The following INCENP variants were observed in gnomAD, a reference collection of about 807,000 sequenced individuals.
INCENP encodes binds and activates aurora-B and -C in vivo and in vitro.
Under a neutral mutation model 107.3 loss-of-function variants are expected in INCENP, and 43 were observed. That is an observed-to-expected ratio of 0.40 (90% CI 0.31 to 0.52). The LOEUF is 0.52. Among genes scored for constraint, INCENP ranks in the 20% least tolerant of loss-of-function variants. The pLI is 0.53. For missense variants in INCENP, 1,089 were observed against 1,250.9 expected, an observed-to-expected ratio of 0.87 and a Z score of 1.95; for synonymous variants, 488 against 494.4, an observed-to-expected ratio of 0.99 and a Z score of 0.17.
Position 62,130,440 on chromosome 11 carries a change from C to T in INCENP, c.913C>T (p.His305Tyr). ...GSRTDSQSVRHSPIAPSSPSP... is the reference protein window; with the variant it reads ...GSRTDSQSVRYSPIAPSSPSP... ...TCGCACGGACTCTCAATCGGTGCGG[C>T]ACAGCCCGATCGCCCCGTCTTCCCC... The change falls in exon 4 of 19, where the codon CAC becomes TAC. Residue 305 changes from histidine to tyrosine, a missense_variant. By Grantham distance (83) the His-to-Tyr change is moderately conservative. Coordinates refer to ENST00000394818, the MANE Select transcript of INCENP (RefSeq NM_001040694.2). 2.5e-6 allele frequency: 4 copies of T among 1,613,988 alleles called. No individual in the cohort carries two copies. Among genetic ancestry groups the T allele is most frequent in the Non-Finnish European group, 3.4e-6 (4 of 1,180,034 alleles).
intron 18 of INCENP, among the ~76,000 whole-genome samples, chr11:62,150,974 C>T (rs1056504540): frequency 6.6e-6 from 1 of 152,202 alleles, no homozygotes; most frequent in Non-Finnish European, 1.5e-5. Context: ...CTCATCTGAA[C>T]CCTACAGTAA....
intron 4 of INCENP, among the ~76,000 whole-genome samples, chr11:62,131,258 C>T (rs188880904): frequency 2.6e-5 from 4 of 152,314 alleles, no homozygotes; most frequent in African/African-American, 7.2e-5. Flanking sequence ...GGAAACTTCA[C>T]GGGCCTCCAC....
Position 62,141,511 on chromosome 11 carries a change from C to T in INCENP, c.1605C>T (p.Val535=), listed in dbSNP as rs527336992. 15 of 1,614,046 alleles carry T rather than the reference C, an allele frequency of 9.3e-6. No homozygotes were observed. The East Asian group carries it at 2.0e-4, about 22-fold the overall frequency. The change falls in exon 11 of 19, where the codon GTC becomes GTT. Residue 535 remains valine (V), a splice_region_variant and synonymous_variant. Transcript: ENST00000394818. ...TGTCTCCTCCACAGTGCAGCTTCGT[C>T]GTAAGTAAAGCCTTTTCCTGTCGGT... ...PLRMDPKCSF[V]EKERQRLENL... is the part of the protein sequence containing the mutation.
At chr11:62,148,407 C>G in intron 15 of INCENP, 69 bp from the exon 16 acceptor site, 1 of 1,443,094 alleles carries the variant, frequency 6.9e-7, no homozygotes, top group Non-Finnish European at 9.5e-7. Context: ...GTTTCCCCAG[C>G]AGGGATGGGA....
At position 62,152,895 on chromosome 11, in the gene INCENP, C is replaced by CTGAA. The variant is rs1180988425; in HGVS notation, c.*922_*925dup. 4 of 152,254 alleles carry CTGAA rather than the reference C, an allele frequency of 2.6e-5. No homozygotes were observed. 9.4% of individuals were successfully genotyped at this position (152,254 alleles called of 1,614,324 possible). A position where few individuals can be genotyped will look rare whatever the true frequency, so the allele number is the denominator to read the frequency against. ...CCTGTGAGCTGCCTACTGCTGCCTT[C>CTGAA]TGAATGCATATATCTGCTACTGTAG... On this transcript the variant is annotated 3_prime_UTR_variant, in exon 19 of 19. Coordinates refer to ENST00000394818, the MANE Select transcript of INCENP (RefSeq NM_001040694.2).
Position 62,140,786 on chromosome 11 carries a change from A to G in INCENP, c.1426A>G (p.Ser476Gly). 6.2e-7 allele frequency: 1 copy of G among 1,612,428 alleles called. No homozygotes were observed. The part of the protein sequence containing the change: ...LEDEELQPPR[S>G]KTPSSPCPAS... The stretch of plus-strand genomic sequence containing the variant: ...GGATGAGGAGCTGCAGCCCCCCAGG[A>G]GCAAGACCCCTTCCTCACCCTGCCC... Residue 476 changes from serine to glycine, a missense_variant, in exon 9 of 19, where the codon AGC becomes GGC. Ser to Gly is a moderately conservative substitution (Grantham distance 56). Coordinates refer to ENST00000394818, the MANE Select transcript of INCENP (RefSeq NM_001040694.2).
rs1489807849 is a variant in INCENP at position 62,128,256 on chromosome 11, T to C, written c.95T>C (p.Val32Ala). ...FLCNMDNKDL[V>A]WLEEIQEEAE... is the part of the protein sequence containing the mutation. The stretch of plus-strand genomic sequence containing the variant: ...TGCAACATGGATAATAAGGACTTGG[T>C]GTGGCTTGAGGAAATCCAAGAGGAG... The change falls in exon 2 of 19, where the codon GTG (valine) becomes GCG (alanine). Residue 32 changes from valine (V) to alanine (A), a missense_variant. Val to Ala is a moderately conservative substitution (Grantham distance 64). Coordinates refer to ENST00000394818, the MANE Select transcript of INCENP (RefSeq NM_001040694.2). 1.9e-6 allele frequency: 3 copies of C among 1,614,154 alleles called. No homozygotes were observed. The East Asian group carries it at 6.7e-5, about 36-fold the overall frequency.
At chr11:62,147,855 C>T (rs1357077732) in intron 15 of INCENP, among the ~76,000 whole-genome samples, 2 of 152,096 alleles carry the variant, frequency 1.3e-5, no homozygotes, top group Non-Finnish European at 2.9e-5. Context: ...GAGCAGGGGG[C>T]TTTGAGGGTG....
rs762406542 is a variant in INCENP at position 62,150,043 on chromosome 11, G to A, written c.2392-14G>A. ...TGCCATGGAGGGAACTGACGGCCAC[G>A]TTTGTTTTTGCAGTCTCCAGCTTGT... On this transcript the variant is annotated splice_polypyrimidine_tract_variant and intron_variant, in intron 17 of 18. Coordinates refer to ENST00000394818, the MANE Select transcript of INCENP (RefSeq NM_001040694.2). 72 of 1,612,956 alleles carry A rather than the reference G, an allele frequency of 4.5e-5. No homozygotes were observed. The Middle Eastern group carries it at 2.1e-3, about 48-fold the overall frequency.
chr11:62,131,136 T>G (rs1445023576), intron 4 of INCENP, among the ~76,000 whole-genome samples: 1 of 152,200 alleles, frequency 6.6e-6, no homozygotes, highest in Admixed American at 6.5e-5. Flanking sequence ...ATCAGATGAC[T>G]GGGCATCTGA....
At chr11:62,149,646 G>T (rs773881147) in intron 17 of INCENP, among the ~76,000 whole-genome samples, 48 of 152,124 alleles carry the variant, frequency 3.2e-4, no homozygotes, top group Non-Finnish European at 5.9e-4. Context: ...AGTAGGCCTG[G>T]TGCAGTGGTT....
chr11:62,144,884 C>A, intron 11 of INCENP, 98 bp from the exon 12 acceptor site: 1 of 1,070,434 alleles, frequency 9.3e-7, no homozygotes, highest in Non-Finnish European at 1.4e-6. Flanking sequence ...CTGCCACCCA[C>A]GTGGCTGCAG....
intron 5 of INCENP, 198 bp downstream of exon 5, chr11:62,138,081 C>G (rs1404267418): frequency 4.9e-6 from 3 of 612,856 alleles, no homozygotes; most frequent in African/African-American, 1.8e-5. Flanking sequence ...TTGCAGCACC[C>G]GTCAGCGTTG....
At chr11:62,129,374 AT>A (rs1391229636) in intron 3 of INCENP, among the ~76,000 whole-genome samples, 4 of 152,144 alleles carry the variant, frequency 2.6e-5, no homozygotes. Context: ...ACGGCTTTGA[AT>A]TGAATTTCTG....
At position 62,130,518 on chromosome 11, in the gene INCENP, G is replaced by C. The variant is rs1590607122; in HGVS notation, c.991G>C (p.Val331Leu). 3.7e-6 allele frequency: 6 copies of C among 1,613,984 alleles called. No homozygotes were observed. The highest frequency in any genetic ancestry group is 4.2e-6 in the Non-Finnish European group (5 of 1,180,052). The stretch of plus-strand genomic sequence containing the variant: ...CTCTCTGGTGGCCAAACAGGAAAGT[G>C]TTGTCCGCAGGGCGAGCAGAAGGCT... ...KYSLVAKQES[V>L]VRRASRRLAK... is the part of the protein sequence containing the mutation. The change falls in exon 4 of 19, where the codon GTT (valine) becomes CTT (leucine). Residue 331 changes from valine to leucine, a missense_variant. Transcript: ENST00000394818.
chr11:62,140,829 A>G lies in INCENP; in HGVS notation c.1461+8A>G. On this transcript the variant is annotated splice_region_variant and intron_variant, in intron 9 of 18. Transcript: ENST00000394818. ...CCCTGCCCAGCCAGCAAGGTGAGCC[A>G]GGCACCTGCCCTCTCCTGGAGCCCT... The G allele has an allele frequency of 6.2e-7, 1 of 1,613,502 alleles. No homozygotes were observed. The highest frequency in any genetic ancestry group is 2.2e-5 in the East Asian group (1 of 44,866).
chr11:62,138,114 C>G, intron 5 of INCENP: 1 of 590,244 alleles, frequency 1.7e-6, no homozygotes, highest in Non-Finnish European at 3.0e-6. Context: ...CTAGACCTGA[C>G]CCTGGGGCGT....
intron 5 of INCENP, chr11:62,138,110 C>G (rs1944030773): frequency 5.1e-6 from 3 of 593,702 alleles, no homozygotes; most frequent in Non-Finnish European, 9.0e-6. Flanking sequence ...CTGGCTAGAC[C>G]TGACCCTGGG....
intron 7 of INCENP, 23 bp downstream of exon 7, chr11:62,139,028 G>C: frequency 6.5e-7 from 1 of 1,548,708 alleles, no homozygotes; most frequent in Non-Finnish European, 8.9e-7. Context: ...GACCTGCCGT[G>C]TGCAGTGCCC....
Sources: gnomAD v4.1 joint callset for allele counts (sites outside exome capture counted in the v4.1 genomes callset) on GRCh38, gnomAD v4.1.1 for gene constraint, MANE v1.5 for transcripts, NCBI Gene and HGNC (gene_info 2026-07-23, HGNC 2026-07-21) for gene names.